The following GABBR2 variants were observed in gnomAD, a reference collection of about 807,000 sequenced individuals.
GABBR2 encodes the protein G-protein coupled receptor 51.
In GABBR2, 23 loss-of-function variants were observed where a neutral mutation model predicts 105.6. That is an observed-to-expected ratio of 0.22 (90% confidence interval 0.16 to 0.31). The LOEUF (loss-of-function observed/expected upper bound fraction) is 0.31. Ranked by LOEUF, GABBR2 falls within the 10% of genes least tolerant of loss-of-function variation. The pLI, the probability that GABBR2 is intolerant of heterozygous loss-of-function variation, is 1.00. For synonymous variants in GABBR2, 478 were observed against 499.7 expected (o/e 0.96, Z 0.58); for missense variants, 734 against 1,245.5 (o/e 0.59, Z 6.18).
chr9:98,626,373 T>G (rs778800450), intron 1 of GABBR2, among the ~76,000 whole-genome samples: 16 of 152,320 alleles, frequency 1.1e-4, no homozygotes, highest in South Asian at 4.2e-4. Flanking sequence ...AGATTACACA[T>G]TTTAAATGGG....
intron 1 of GABBR2, among the ~76,000 whole-genome samples, chr9:98,623,781 C>T (rs1564133690): frequency 1.3e-5 from 2 of 152,208 alleles, no homozygotes; most frequent in Non-Finnish European, 2.9e-5. Context: ...CCTGGATAAT[C>T]CAGGATAGTC....
intron 2 of GABBR2, among the ~76,000 whole-genome samples, chr9:98,559,479 C>A (rs1428350430): frequency 3.9e-5 from 6 of 152,186 alleles, no homozygotes; most frequent in African/African-American, 1.4e-4. Context: ...ATGAAAATTG[C>A]TGAACCAGAG....
At chr9:98,658,211 C>G (rs978321584) in intron 1 of GABBR2, among the ~76,000 whole-genome samples, 2 of 152,192 alleles carry the variant, frequency 1.3e-5, no homozygotes, top group African/African-American at 4.8e-5. Context: ...AGGTCTACCA[C>G]CACGGGCGGT....
intron 1 of GABBR2, among the ~76,000 whole-genome samples, chr9:98,614,534 AAATT>A (rs1463783640): frequency 2.6e-5 from 4 of 152,248 alleles, no homozygotes; most frequent in Admixed American, 2.0e-4. Context: ...TCAAAAAAAT[AAATT>A]AATTAATTAA....
intron 1 of GABBR2, among the ~76,000 whole-genome samples, chr9:98,612,986 A>C (rs1316027120): frequency 2.0e-5 from 3 of 152,232 alleles, no homozygotes; most frequent in Non-Finnish European, 4.4e-5. Context: ...ATGAAGTTCT[A>C]CCAACTGCTA....
At chr9:98,317,903 G>A (rs1329988249) in intron 13 of GABBR2, among the ~76,000 whole-genome samples, 2 of 152,056 alleles carry the variant, frequency 1.3e-5, no homozygotes, top group African/African-American at 4.8e-5. Flanking sequence ...GCACTTGGAG[G>A]GGTGCTAATG....
chr9:98,344,416 C>G, intron 13 of GABBR2, among the ~76,000 whole-genome samples: 1 of 152,184 alleles, frequency 6.6e-6, no homozygotes, highest in East Asian at 1.9e-4. Context: ...ATCTGAAATG[C>G]AGAAACAGCC....
At chr9:98,441,659 G>A (rs376140305) in intron 7 of GABBR2, among the ~76,000 whole-genome samples, 62 of 152,310 alleles carry the variant, frequency 4.1e-4, no homozygotes, top group East Asian at 2.3e-3. Context: ...GAGCCACTGC[G>A]CCCAGCTGGG....
intron 1 of GABBR2, among the ~76,000 whole-genome samples, chr9:98,615,109 G>C (rs1829561352): frequency 6.6e-6 from 1 of 152,184 alleles, no homozygotes; most frequent in African/African-American, 2.4e-5. Flanking sequence ...GCCCTGGGCT[G>C]GCTGGCCACC....
intron 13 of GABBR2, among the ~76,000 whole-genome samples, chr9:98,328,466 G>A (rs370468386): frequency 1.3e-5 from 2 of 152,286 alleles, no homozygotes; most frequent in Non-Finnish European, 2.9e-5. Flanking sequence ...AACTGGGCCC[G>A]CATATGCCAA....
chr9:98,594,339 C>A (rs1292238527), intron 1 of GABBR2, among the ~76,000 whole-genome samples: 2 of 152,222 alleles, frequency 1.3e-5, no homozygotes, highest in Non-Finnish European at 2.9e-5. Flanking sequence ...CACGACACTG[C>A]CTGCGCAGGG....
At chr9:98,699,578 G>A (rs1830801497) in intron 1 of GABBR2, among the ~76,000 whole-genome samples, 1 of 152,120 alleles carries the variant, frequency 6.6e-6, no homozygotes, top group African/African-American at 2.4e-5. Flanking sequence ...CTCTGTGCCT[G>A]GCCCTGAGAT....
At chr9:98,592,046 C>G (rs1168446728) in intron 1 of GABBR2, among the ~76,000 whole-genome samples, 1 of 152,186 alleles carries the variant, frequency 6.6e-6, no homozygotes, top group Non-Finnish European at 1.5e-5. Flanking sequence ...CCTAGGAGCC[C>G]AAGCTAATGG....
At chr9:98,578,812 G>A (rs1321087956) in intron 1 of GABBR2, among the ~76,000 whole-genome samples, 2 of 152,204 alleles carry the variant, frequency 1.3e-5, no homozygotes, top group Non-Finnish European at 1.5e-5. Context: ...ACGCTACAAC[G>A]TGGATGAACC....
At chr9:98,415,372 A>AT (rs1832670485) in intron 7 of GABBR2, among the ~76,000 whole-genome samples, 2 of 152,090 alleles carry the variant, frequency 1.3e-5, no homozygotes, top group African/African-American at 4.8e-5. Flanking sequence ...AAATAGATTA[A>AT]TTTTTTTACT....
chr9:98,607,768 G>T lies in GABBR2; in HGVS notation c.322-29696C>A, dbSNP rs908898967. On this transcript the variant is annotated intron_variant, in intron 1 of 18. Coordinates refer to ENST00000259455, the MANE Select transcript of GABBR2 (RefSeq NM_005458.8). ...GAACTACAGAAGCAGAAAACTGGCA[G>T]CTGTGACTTATAATGGAATTGATAA... 4 of 782,296 alleles carry T rather than the reference G, an allele frequency of 5.1e-6. No individual in the cohort carries two copies. In the East Asian group the frequency reaches 9.8e-5, roughly 19 times the overall value. 48.5% of individuals were successfully genotyped at this position (782,296 alleles called of 1,614,324 possible). A position where few individuals can be genotyped will look rare whatever the true frequency, so the allele number is the denominator to read the frequency against.
intron 13 of GABBR2, among the ~76,000 whole-genome samples, chr9:98,318,469 G>C (rs1830756921): frequency 6.6e-6 from 1 of 152,210 alleles, no homozygotes; most frequent in Non-Finnish European, 1.5e-5. Context: ...ACCAGACCTT[G>C]ACAATCATGT....
intron 13 of GABBR2, among the ~76,000 whole-genome samples, chr9:98,346,516 T>C (rs1266358916): frequency 6.6e-6 from 1 of 152,252 alleles, no homozygotes; most frequent in East Asian, 1.9e-4. Flanking sequence ...TGTGTAATAA[T>C]GAAATCAGCA....
At chr9:98,498,446 G>A (rs1238155760) in intron 3 of GABBR2, among the ~76,000 whole-genome samples, 1 of 152,190 alleles carries the variant, frequency 6.6e-6, no homozygotes, top group Admixed American at 6.5e-5. Flanking sequence ...GTGGATCCTT[G>A]TAATGTATAC....
Sources: allele counts gnomAD v4.1 joint callset (sites outside exome capture counted in the v4.1 genomes callset), GRCh38; gene constraint gnomAD v4.1.1; transcripts MANE v1.5; gene names NCBI Gene and HGNC (gene_info 2026-07-23, HGNC 2026-07-21).